The following API5 variants were observed in gnomAD, a reference collection of about 807,000 sequenced individuals.
The protein encoded by API5 is apoptosis inhibitor 5.
A neutral mutation model predicts 71.9 loss-of-function variants in API5; 6 were observed. The observed-to-expected ratio is 0.08, with a 90% CI of 0.05 to 0.16. API5 has a LOEUF of 0.16. Ranked by LOEUF, API5 falls within the 10% of genes least tolerant of loss-of-function variation. The probability of loss-of-function intolerance (pLI) is 1.00; values close to 1 mark genes in which losing one functional copy is unlikely to be tolerated. For synonymous variants in API5, 189 were observed against 221.3 expected, an observed-to-expected ratio of 0.85 and a Z score of 1.30; for missense variants, 332 against 612.8, an observed-to-expected ratio of 0.54 and a Z score of 4.84.
rs1490273194 is a variant in API5 at position 43,343,871 on chromosome 11, C to T, written c.*1361C>T. The T allele has an allele frequency of 2.6e-5, 4 of 152,620 alleles. No individual in the cohort carries two copies. The highest frequency in any genetic ancestry group is 9.7e-5 in the African/African-American group (4 of 41,448). 9.5% of individuals were successfully genotyped at this position (152,620 alleles called of 1,614,324 possible). On this transcript the variant is annotated 3_prime_UTR_variant, in exon 14 of 14. Transcript: ENST00000531273. ...ATTTCTAGTAGTCTGATGTATTTTTCTGAGGAATAGTTTGTGATTCCAATG... is the reference window on the plus strand; with the variant it reads ...ATTTCTAGTAGTCTGATGTATTTTTTTGAGGAATAGTTTGTGATTCCAATG...
chr11:43,320,731 T>TAA (rs774106510), intron 2 of API5, 90 bp from the exon 3 acceptor site: 642 of 992,972 alleles, frequency 6.5e-4, no homozygotes, highest in Middle Eastern at 1.0e-3. Flanking sequence ...ACCTTGTCTT[T>TAA]AAAAAAAAAA....
intron 13 of API5, among the ~76,000 whole-genome samples, chr11:43,337,792 C>A (rs981161736): frequency 6.6e-6 from 1 of 152,176 alleles, no homozygotes; most frequent in East Asian, 1.9e-4. Flanking sequence ...TAATCAATAG[C>A]TATGGCAATA....
intron 2 of API5, among the ~76,000 whole-genome samples, chr11:43,319,267 T>G (rs1365067682): frequency 6.6e-6 from 1 of 152,152 alleles, no homozygotes; most frequent in Non-Finnish European, 1.5e-5. Flanking sequence ...ATAGTTTTTG[T>G]TTTTTGGTTT....
intron 2 of API5, 139 bp downstream of exon 2, chr11:43,318,940 T>C: frequency 2.6e-6 from 2 of 760,314 alleles, no homozygotes; most frequent in South Asian, 4.6e-5. Flanking sequence ...ACACCCAGGC[T>C]TAAATTTACA....
intron 1 of API5, among the ~76,000 whole-genome samples, chr11:43,313,132 A>T (rs577427173): frequency 4.0e-5 from 6 of 151,370 alleles, no homozygotes; most frequent in South Asian, 4.2e-4. Context: ...GGTTTTTTTT[A>T]AAAATTTATT....
chr11:43,319,825 A>G (rs1363708870), intron 2 of API5, among the ~76,000 whole-genome samples: 2 of 152,250 alleles, frequency 1.3e-5, no homozygotes, highest in Admixed American at 1.3e-4. Flanking sequence ...AAAATTCTAA[A>G]GTAAACAGTT....
chr11:43,343,056 A>G lies in API5; in HGVS notation c.*546A>G, dbSNP rs1032798283. On this transcript the variant is annotated 3_prime_UTR_variant, in exon 14 of 14. Coordinates refer to ENST00000531273, the MANE Select transcript of API5 (RefSeq NM_001142930.2). Reference sequence around the variant, plus strand: ...TCTTAAAATATAGGAATGACATTACATTTTTAGGAGAAAGTAAGTTGCTTT... The same window carrying G: ...TCTTAAAATATAGGAATGACATTACGTTTTTAGGAGAAAGTAAGTTGCTTT... 3 of 162,798 alleles carry G rather than the reference A, an allele frequency of 1.8e-5. No individual in the cohort carries two copies. The highest frequency in any genetic ancestry group is 4.0e-5 in the Non-Finnish European group (3 of 75,030). 10.1% of individuals were successfully genotyped at this position (162,798 alleles called of 1,614,324 possible).
At chr11:43,334,343 T>C (rs527920157) in intron 11 of API5, among the ~76,000 whole-genome samples, 2 of 152,304 alleles carry the variant, frequency 1.3e-5, no homozygotes, top group East Asian at 3.9e-4. Flanking sequence ...TGCCGTTTCC[T>C]CTTCATGTGG....
chr11:43,316,512 A>G (rs1157073886), intron 1 of API5, among the ~76,000 whole-genome samples: 1 of 152,162 alleles, frequency 6.6e-6, no homozygotes, highest in Non-Finnish European at 1.5e-5. Flanking sequence ...GTCAGAACAA[A>G]CTTTGATTTT....
chr11:43,335,846 C>G lies in API5; in HGVS notation c.1356-12C>G. On this transcript the variant is annotated splice_polypyrimidine_tract_variant and intron_variant, in intron 12 of 13. Coordinates refer to ENST00000531273, the MANE Select transcript of API5 (RefSeq NM_001142930.2). Reference sequence around the variant, plus strand: ...GAATGTTTTTGAATTGCTCTTCTTCCTATTGTTACAGGCAAAAGAGAGCCA... The same window carrying G: ...GAATGTTTTTGAATTGCTCTTCTTCGTATTGTTACAGGCAAAAGAGAGCCA... 1 of 1,591,802 alleles carries G rather than the reference C, an allele frequency of 6.3e-7. No individual in the cohort carries two copies. Among genetic ancestry groups the G allele is most frequent in the Non-Finnish European group, 8.5e-7 (1 of 1,173,594 alleles).
At chr11:43,330,139 C>A in intron 10 of API5, 81 bp downstream of exon 10, 1 of 1,132,796 alleles carries the variant, frequency 8.8e-7, no homozygotes, top group Admixed American at 2.1e-5. Flanking sequence ...TTTTCATTTT[C>A]CCTTATCTCA....
intron 13 of API5, among the ~76,000 whole-genome samples, chr11:43,337,028 AAAAG>A (rs1855458907): frequency 6.7e-6 from 1 of 148,544 alleles, no homozygotes; most frequent in Non-Finnish European, 1.5e-5. Context: ...AAAAAAAAAA[AAAAG>A]ACAAAGTTTA....
Position 43,342,686 on chromosome 11 carries a change from A to G in API5, c.*176A>G, listed in dbSNP as rs991539470. The G allele has an allele frequency of 6.9e-6, 5 of 720,806 alleles. No individual in the cohort carries two copies. The highest frequency in any genetic ancestry group is 2.7e-5 in the East Asian group (1 of 37,180). The allele number at this position is 720,806 out of a possible 1,614,324, so 44.7% of individuals were successfully genotyped here. A position where few individuals can be genotyped will look rare whatever the true frequency, so the allele number is the denominator to read the frequency against. On this transcript the variant is annotated 3_prime_UTR_variant, in exon 14 of 14. Transcript: ENST00000531273. ...TTGTAACAGACCATGGTTGTGTCCAAGGTAAAACCACAGTGATATTTTTGG... is the reference window on the plus strand; with the variant it reads ...TTGTAACAGACCATGGTTGTGTCCAGGGTAAAACCACAGTGATATTTTTGG...
At position 43,342,772 on chromosome 11, in the gene API5, A is replaced by C. The variant is rs1855666338; in HGVS notation, c.*262A>C. On this transcript the variant is annotated 3_prime_UTR_variant, in exon 14 of 14. Coordinates refer to ENST00000531273, the MANE Select transcript of API5 (RefSeq NM_001142930.2). ...ATCATTATTCAGACTTCAAATTGTG[A>C]ATCTTTTAAACATCTTGATAATTTG... 1 of 611,744 alleles carries C rather than the reference A, an allele frequency of 1.6e-6. No individual in the cohort carries two copies. The highest frequency in any genetic ancestry group is 2.9e-6 in the Non-Finnish European group (1 of 342,982). The allele number at this position is 611,744 out of a possible 1,614,324, so 37.9% of individuals were successfully genotyped here.
At chr11:43,318,578 C>A in intron 1 of API5, 62 bp from the exon 2 acceptor site, 1 of 1,591,820 alleles carries the variant, frequency 6.3e-7, no homozygotes, top group Non-Finnish European at 8.6e-7. Flanking sequence ...TTGTTATGGT[C>A]TTTTACTTTG....
At chr11:43,338,209 T>G (rs1052103916) in intron 13 of API5, among the ~76,000 whole-genome samples, 1 of 152,218 alleles carries the variant, frequency 6.6e-6, no homozygotes, top group Non-Finnish European at 1.5e-5. Flanking sequence ...ACAACAAAAT[T>G]TGAAGCATTT....
At chr11:43,336,073 A>G (rs1337438919) in intron 13 of API5, 79 bp downstream of exon 13, 6 of 1,527,218 alleles carry the variant, frequency 3.9e-6, no homozygotes, top group Non-Finnish European at 5.3e-6. Context: ...ATTAGTAATT[A>G]TATACAGTGT....
chr11:43,326,538 A>G lies in API5; in HGVS notation c.782A>G (p.Tyr261Cys). 1 of 1,611,560 alleles carries G rather than the reference A, an allele frequency of 6.2e-7. No homozygotes were observed. Among genetic ancestry groups the G allele is most frequent in the Non-Finnish European group, 8.5e-7 (1 of 1,178,496 alleles). ...GTCCATTCCACAAGGTTTGTGACAT[A>G]TTTCTGTGAGCAGGTTCTCCCTAAC... is the stretch of plus-strand genomic sequence containing the variant. ...KNVHSTRFVT[Y>C]FCEQVLPNLG... The change falls in exon 7 of 14, where the codon TAT (tyrosine) becomes TGT (cysteine). Residue 261 changes from tyrosine (Y) to cysteine (C), a missense_variant. Coordinates refer to ENST00000531273, the MANE Select transcript of API5 (RefSeq NM_001142930.2).
chr11:43,321,558 T>C (rs1378971485), intron 4 of API5, 82 bp downstream of exon 4: 16 of 1,144,180 alleles, frequency 1.4e-5, no homozygotes, highest in Non-Finnish European at 1.9e-5. Context: ...GAATAAACTC[T>C]AGGGTTTACC....
Sources: gnomAD v4.1 joint callset for allele counts (sites outside exome capture counted in the v4.1 genomes callset) on GRCh38, gnomAD v4.1.1 for gene constraint, MANE v1.5 for transcripts, NCBI Gene and HGNC (gene_info 2026-07-23, HGNC 2026-07-21) for gene names.